Variants in BTBD9 observed in about 807,000 individuals in gnomAD.
BTBD9 encodes the protein BTB domain containing 9.
A neutral mutation model predicts 64.3 loss-of-function variants in BTBD9; 49 were observed. The observed-to-expected ratio is 0.76, with a 90% CI of 0.61 to 0.97. The LOEUF is 0.97. Among genes scored for constraint, BTBD9 ranks in the 50% least tolerant of loss-of-function variants. BTBD9 has a pLI of 0.00. For missense variants in BTBD9, 598 were observed against 762.1 expected (o/e 0.78, Z 2.53); for synonymous variants, 260 against 274.7 (o/e 0.95, Z 0.53).
chr6:38,609,556 T>A (rs1278492575), intron 1 of BTBD9, among the ~76,000 whole-genome samples: 3 of 152,130 alleles, frequency 2.0e-5, no homozygotes, highest in African/African-American at 2.4e-5. Context: ...TGTGGGAGAA[T>A]AAAATCCAAT....
rs1269495522 is a variant in BTBD9 at position 38,184,549 on chromosome 6, C to T, written c.1641+7970G>A. 6.6e-6 allele frequency among the ~76,000 whole-genome samples: 1 copy of T among 152,094 alleles called. No homozygotes were observed. On this transcript the variant is annotated intron_variant, in intron 10 of 10. Transcript: ENST00000481247. This position sits in a 1 kb window ranked among gnomAD's most constrained non-coding sequence, Gnocchi z 4.4. ...AAGGAGAGGGCTGCCTCTCCATTTG[C>T]TCTCTCTGTGCTCTGCCACAGAGCA...
intron 7 of BTBD9, among the ~76,000 whole-genome samples, chr6:38,297,991 C>A (rs182122682): frequency 6.6e-6 from 1 of 152,008 alleles, no homozygotes; most frequent in Admixed American, 6.5e-5. Flanking sequence ...CAGGTGCCTG[C>A]CACCACACCC....
chr6:38,592,211 T>C (rs1232170389), intron 4 of BTBD9, among the ~76,000 whole-genome samples: 2 of 151,334 alleles, frequency 1.3e-5, no homozygotes, highest in Non-Finnish European at 2.9e-5. Context: ...TCCATGTTCA[T>C]GGTACCCAAA....
intron 6 of BTBD9, among the ~76,000 whole-genome samples, chr6:38,367,193 C>T (rs367626865): frequency 2.8e-4 from 42 of 152,254 alleles, no homozygotes; most frequent in African/African-American, 8.2e-4. Flanking sequence ...GCTCTGGCCC[C>T]GAGGGTGGCC....
chr6:38,203,273 A>G (rs1371729732), intron 9 of BTBD9, among the ~76,000 whole-genome samples: 1 of 152,220 alleles, frequency 6.6e-6, no homozygotes, highest in Non-Finnish European at 1.5e-5. Context: ...AGATTTCTCA[A>G]TAAACTACTA....
At chr6:38,192,676 A>C in intron 9 of BTBD9, 79 bp from the exon 10 acceptor site, 1 of 1,308,824 alleles carries the variant, frequency 7.6e-7, no homozygotes, top group Non-Finnish European at 1.1e-6. Flanking sequence ...AGTCATGTCC[A>C]CTGAGGAGGG....
At chr6:38,429,676 G>A (rs992267617) in intron 6 of BTBD9, among the ~76,000 whole-genome samples, 4 of 151,822 alleles carry the variant, frequency 2.6e-5, no homozygotes, top group South Asian at 4.2e-4. Flanking sequence ...AATCTATTTC[G>A]GAATGACTTA....
rs1186987743 is a variant in BTBD9, at chr6:38,170,403, C to G, written c.*4582G>C. ...GGAAGGGCACAGCCTCTTTCCTCCT[C>G]CCTGATGGAAGCCAGAGACCTACCA... On this transcript the variant is annotated 3_prime_UTR_variant, in exon 11 of 11. Transcript: ENST00000481247. The G allele has an allele frequency of 1.3e-5, 2 of 152,882 alleles. No homozygotes were observed. Among genetic ancestry groups the G allele is most frequent in the Non-Finnish European group, 2.9e-5 (2 of 68,576 alleles). The allele number at this position is 152,882 out of a possible 1,614,324, so 9.5% of individuals were successfully genotyped here. A position where few individuals can be genotyped will look rare whatever the true frequency, so the allele number is the denominator to read the frequency against.
At position 38,170,992 on chromosome 6, in the gene BTBD9, A is replaced by C. The variant is rs1766732788; in HGVS notation, c.*3993T>G. 1.3e-5 allele frequency: 2 copies of C among 152,250 alleles called. No homozygotes were observed. The highest frequency in any genetic ancestry group is 2.9e-5 in the Non-Finnish European group (2 of 68,044). The allele number at this position is 152,250 out of a possible 1,614,324, so 9.4% of individuals were successfully genotyped here. Reference sequence around the variant, plus strand: ...TGAGGAAAAACTCCTGGAAGGAAGCAAATTTAATTTTCTTTTCCTCTTTGA... The same window carrying C: ...TGAGGAAAAACTCCTGGAAGGAAGCCAATTTAATTTTCTTTTCCTCTTTGA... On this transcript the variant is annotated 3_prime_UTR_variant, in exon 11 of 11. Coordinates refer to ENST00000481247, the MANE Select transcript of BTBD9 (RefSeq NM_001099272.2).
At chr6:38,417,652 T>C (rs959960525) in intron 6 of BTBD9, among the ~76,000 whole-genome samples, 29 of 152,178 alleles carry the variant, frequency 1.9e-4, no homozygotes, top group Admixed American at 8.5e-4. Flanking sequence ...CACGTGCCTA[T>C]AGTCCCAGCT....
At chr6:38,363,336 C>A (rs1420926636) in intron 6 of BTBD9, among the ~76,000 whole-genome samples, 2 of 152,166 alleles carry the variant, frequency 1.3e-5, no homozygotes, top group African/African-American at 2.4e-5. Flanking sequence ...GGCAGGAGGA[C>A]TGCTTGAGGC....
intron 10 of BTBD9, among the ~76,000 whole-genome samples, chr6:38,180,967 A>C (rs926688135): frequency 6.6e-6 from 1 of 152,118 alleles, no homozygotes; most frequent in African/African-American, 2.4e-5. Flanking sequence ...TTCACCACAT[A>C]CTGGAGATAG....
chr6:38,435,629 C>CCTCCCCCCTCCCTCA (rs1768688202), intron 6 of BTBD9, among the ~76,000 whole-genome samples: 2 of 104,906 alleles, frequency 1.9e-5, no homozygotes, highest in Non-Finnish European at 3.9e-5. Flanking sequence ...CCCCTCCCTC[C>CCTCCCCCCTCCCTCA]CTTCCTCCCT....
intron 6 of BTBD9, among the ~76,000 whole-genome samples, chr6:38,490,315 A>T (rs1771648466): frequency 6.6e-6 from 1 of 152,024 alleles, no homozygotes; most frequent in Non-Finnish European, 1.5e-5. Flanking sequence ...CAAAAGACAC[A>T]TCCATTTCTT....
At chr6:38,556,886 G>T (rs184885382) in intron 6 of BTBD9, among the ~76,000 whole-genome samples, 1 of 150,618 alleles carries the variant, frequency 6.6e-6, no homozygotes, top group Admixed American at 6.6e-5. Flanking sequence ...ATGTAGTGGC[G>T]CCTGTAATTC....
intron 6 of BTBD9, among the ~76,000 whole-genome samples, chr6:38,462,820 A>T (rs1423675927): frequency 2.6e-5 from 4 of 152,042 alleles, no homozygotes; most frequent in Non-Finnish European, 5.9e-5. Context: ...TTGTTTTGAG[A>T]CAGGGTCTCA....
At chr6:38,572,331 C>T (rs982083354) in intron 6 of BTBD9, among the ~76,000 whole-genome samples, 4 of 152,118 alleles carry the variant, frequency 2.6e-5, no homozygotes, top group African/African-American at 9.7e-5. Flanking sequence ...TACATAAAAT[C>T]TATTTCCTTA....
chr6:38,462,029 T>C (rs1045742789), intron 6 of BTBD9, among the ~76,000 whole-genome samples: 16 of 152,218 alleles, frequency 1.1e-4, no homozygotes, highest in Admixed American at 4.6e-4. Context: ...GTTTTTGTTG[T>C]TGTTGTTGAA....
At chr6:38,375,878 A>AAAAGAAAGAAAGAAAAG in intron 6 of BTBD9, among the ~76,000 whole-genome samples, 3 of 146,058 alleles carry the variant, frequency 2.1e-5, no homozygotes, top group Non-Finnish European at 4.6e-5. Flanking sequence ...GTCTACAAAC[A>AAAAGAAAGAAAGAAAAG]AAAGAAAGAA....
Sources: allele counts gnomAD v4.1 joint callset (sites outside exome capture counted in the v4.1 genomes callset), GRCh38; gene constraint gnomAD v4.1.1; non-coding constraint Gnocchi (gnomAD v3.1); transcripts MANE v1.5; gene names NCBI Gene and HGNC (gene_info 2026-07-23, HGNC 2026-07-21).